SYNJ2BP: variants seen among roughly 807,000 people sequenced by gnomAD.
SYNJ2BP encodes synaptojanin 2 binding protein, also known as synaptojanin-2-binding protein.
SYNJ2BP carries 10 observed loss-of-function variants against 16.9 expected under a neutral mutation model. The observed-to-expected ratio is 0.59, with a 90% CI of 0.36 to 1.00. The LOEUF is 1.00. Among genes scored for constraint, SYNJ2BP ranks in the 50% least tolerant of loss-of-function variants. The pLI is 0.01. For missense variants in SYNJ2BP, 162 were observed against 186.7 expected, an observed-to-expected ratio of 0.87 and a Z score of 0.77; for synonymous variants, 54 against 68.4, an observed-to-expected ratio of 0.79 and a Z score of 1.04.
chr14:70,374,479 T>G (rs1007561987), intron 3 of SYNJ2BP, among the ~76,000 whole-genome samples: 2 of 152,324 alleles, frequency 1.3e-5, no homozygotes, highest in Non-Finnish European at 2.9e-5. Context: ...CAAATTGATT[T>G]AATTTAAAGG....
intron 2 of SYNJ2BP, among the ~76,000 whole-genome samples, chr14:70,380,273 T>C (rs1410301242): frequency 1.3e-5 from 2 of 152,228 alleles, no homozygotes; most frequent in Non-Finnish European, 2.9e-5. Context: ...GGATTTTATT[T>C]CAGCAACATA....
At chr14:70,373,410 C>CT (rs1479755841) in intron 3 of SYNJ2BP, among the ~76,000 whole-genome samples, 1 of 152,166 alleles carries the variant, frequency 6.6e-6, no homozygotes, top group East Asian at 1.9e-4. Context: ...TGTACTGCCT[C>CT]TACCTTGCTA....
At chr14:70,373,316 G>A (rs1887557582) in intron 3 of SYNJ2BP, among the ~76,000 whole-genome samples, 185 bp from the exon 4 acceptor site, 1 of 152,112 alleles carries the variant, frequency 6.6e-6, no homozygotes, top group African/African-American at 2.4e-5. Flanking sequence ...AGGATCTTTG[G>A]AAAGAAAATA....
Position 70,388,469 on chromosome 14 carries a change from C to G in SYNJ2BP, c.201+1G>C. 1 of 1,559,692 alleles carries G rather than the reference C, an allele frequency of 6.4e-7. No individual in the cohort carries two copies. Among genetic ancestry groups the G allele is most frequent in the Non-Finnish European group, 8.7e-7 (1 of 1,154,848 alleles). On this transcript the variant is annotated splice_donor_variant, in intron 2 of 3. Coordinates refer to ENST00000256366, the MANE Select transcript of SYNJ2BP (RefSeq NM_018373.3). LOFTEE classifies it high-confidence loss of function. Reference sequence around the variant, plus strand: ...TGAAGGAGGCCGAAGCCCATTCTCACCGAAAGGATCTTATCACCCTCCTGG... The same window carrying G: ...TGAAGGAGGCCGAAGCCCATTCTCAGCGAAAGGATCTTATCACCCTCCTGG...
chr14:70,379,070 T>C (rs576950555), intron 2 of SYNJ2BP, among the ~76,000 whole-genome samples: 2 of 152,272 alleles, frequency 1.3e-5, no homozygotes, highest in South Asian at 4.1e-4. Flanking sequence ...GGAACATACC[T>C]GTCTCCCAGG....
chr14:70,375,787 A>G lies in SYNJ2BP; in HGVS notation c.202-16T>C. On this transcript the variant is annotated splice_polypyrimidine_tract_variant and intron_variant, in intron 2 of 3. Transcript: ENST00000256366. ...GGCCATTTACCTGTCAAAACACCAAAGAGTAGTAAGAAAGGAAGAAGGCTA... is the reference window on the plus strand; with the variant it reads ...GGCCATTTACCTGTCAAAACACCAAGGAGTAGTAAGAAAGGAAGAAGGCTA... 4 of 1,609,782 alleles carry G rather than the reference A, an allele frequency of 2.5e-6. No individual in the cohort carries two copies. Among genetic ancestry groups the G allele is most frequent in the Non-Finnish European group, 3.4e-6 (4 of 1,178,914 alleles).
rs180837721 is a variant in SYNJ2BP at position 70,376,044 on chromosome 14, G to C, written c.202-273C>G. Among the ~76,000 whole-genome samples, 4 of 152,284 alleles carry C rather than the reference G, an allele frequency of 2.6e-5. No individual in the cohort carries two copies. The East Asian group carries it at 5.8e-4, about 22-fold the overall frequency. On this transcript the variant is annotated intron_variant, in intron 2 of 3. Coordinates refer to ENST00000256366, the MANE Select transcript of SYNJ2BP (RefSeq NM_018373.3). ...TCCTCTTAGCTTCTATGCCTGTCTC[G>C]TTTTGACACTTGGGAATCTGTTACC...
At chr14:70,387,565 C>T (rs111424039) in intron 2 of SYNJ2BP, among the ~76,000 whole-genome samples, 62 of 152,278 alleles carry the variant, frequency 4.1e-4, no homozygotes, top group African/African-American at 1.4e-3. Flanking sequence ...GGCCCGGTGG[C>T]TCACGCCTGT....
At chr14:70,413,295 C>A (rs1230481442) in intron 1 of SYNJ2BP, among the ~76,000 whole-genome samples, 1 of 152,326 alleles carries the variant, frequency 6.6e-6, no homozygotes, top group East Asian at 1.9e-4. Context: ...AGGAGAGATT[C>A]CATGCTATTA....
intron 3 of SYNJ2BP, 48 bp from the exon 4 acceptor site, chr14:70,373,179 CA>C (rs774195972): frequency 6.2e-7 from 1 of 1,605,098 alleles, no homozygotes; most frequent in East Asian, 2.2e-5. Flanking sequence ...TGTGTGTTTG[CA>C]ACTGAAACGC....
chr14:70,386,951 A>G (rs1887872173), intron 2 of SYNJ2BP, among the ~76,000 whole-genome samples: 2 of 152,192 alleles, frequency 1.3e-5, no homozygotes, highest in Admixed American at 1.3e-4. Context: ...CATTTATTTC[A>G]ACGTTTTCCC....
intron 1 of SYNJ2BP, among the ~76,000 whole-genome samples, chr14:70,415,584 G>T (rs1286620373): frequency 6.6e-6 from 1 of 151,106 alleles, no homozygotes; most frequent in East Asian, 1.9e-4. Flanking sequence ...AAGAAAGAAA[G>T]AAAAGAAAAG....
At chr14:70,375,026 T>C (rs990433482) in intron 3 of SYNJ2BP, among the ~76,000 whole-genome samples, 4 of 151,640 alleles carry the variant, frequency 2.6e-5, no homozygotes, top group African/African-American at 7.3e-5. Context: ...CAAGCAATCA[T>C]ACCACCTTGG....
intron 1 of SYNJ2BP, among the ~76,000 whole-genome samples, chr14:70,415,324 C>A (rs1301196986): frequency 6.6e-6 from 1 of 151,182 alleles, no homozygotes; most frequent in East Asian, 1.9e-4. Context: ...GTGGGTGGAT[C>A]ATTTAAACTC....
At chr14:70,415,751 A>G (rs535791042) in intron 1 of SYNJ2BP, among the ~76,000 whole-genome samples, 1 of 152,304 alleles carries the variant, frequency 6.6e-6, no homozygotes, top group Non-Finnish European at 1.5e-5. Flanking sequence ...AACATTTCAG[A>G]GATGGAGCTC....
intron 3 of SYNJ2BP, among the ~76,000 whole-genome samples, chr14:70,374,369 G>A (rs1036586890): frequency 2.6e-5 from 4 of 152,098 alleles, no homozygotes; most frequent in African/African-American, 9.7e-5. Flanking sequence ...TATCTTTCAC[G>A]TTCTGCCTTC....
At chr14:70,385,208 A>G (rs1887834061) in intron 2 of SYNJ2BP, among the ~76,000 whole-genome samples, 2 of 152,108 alleles carry the variant, frequency 1.3e-5, no homozygotes, top group Admixed American at 1.3e-4. Flanking sequence ...AGGCCTTTCA[A>G]TAATTTATTT....
chr14:70,410,432 A>G lies in SYNJ2BP; in HGVS notation c.64+6468T>C, dbSNP rs145058843. ...AAGTAAGACCCTATGTCATAAATAA[A>G]TAAATATAAAAACATTCCATTATAT... On this transcript the variant is annotated intron_variant, in intron 1 of 3. Transcript: ENST00000256366. Among the ~76,000 whole-genome samples, 88 of 152,336 alleles carry G rather than the reference A, an allele frequency of 5.8e-4. 3 individuals carry two copies. The East Asian group carries it at 0.017, about 29-fold the overall frequency.
intron 1 of SYNJ2BP, among the ~76,000 whole-genome samples, chr14:70,412,611 T>C (rs1394988160): frequency 6.8e-6 from 1 of 148,052 alleles, no homozygotes; most frequent in African/African-American, 2.5e-5. Flanking sequence ...ATATATACAG[T>C]ATATATATGT....
Sources: allele counts gnomAD v4.1 joint callset (sites outside exome capture counted in the v4.1 genomes callset), GRCh38; gene constraint gnomAD v4.1.1; transcripts MANE v1.5; gene names NCBI Gene and HGNC (gene_info 2026-07-23, HGNC 2026-07-21).